TASOR2: variants seen among roughly 807,000 people sequenced by gnomAD.
TASOR2 encodes the protein transcription activation suppressor family member 2.
Under a neutral mutation model 199.5 loss-of-function variants are expected in TASOR2, and 84 were observed. The ratio of observed to expected loss-of-function variants is 0.42; its 90% CI spans 0.35 to 0.50. The LOEUF (loss-of-function observed/expected upper bound fraction) is 0.50. Among genes scored for constraint, TASOR2 ranks in the 20% least tolerant of loss-of-function variants. The probability of loss-of-function intolerance (pLI) is 0.02; values close to 1 mark genes in which losing one functional copy is unlikely to be tolerated. For synonymous variants in TASOR2, 1,103 were observed against 1,046.6 expected, an observed-to-expected ratio of 1.05 and a Z score of -1.04; for missense variants, 2,796 against 2,835.9, an observed-to-expected ratio of 0.99 and a Z score of 0.32.
At chr10:5,705,070 A>G (rs1441932912) in intron 1 of TASOR2, among the ~76,000 whole-genome samples, 1 of 152,194 alleles carries the variant, frequency 6.6e-6, no homozygotes, top group African/African-American at 2.4e-5. Context: ...TGGTAAATGT[A>G]TATACCATGT....
At position 5,749,089 on chromosome 10, in the gene TASOR2, G is replaced by A. The variant is rs200299323; in HGVS notation, c.5668G>A (p.Glu1890Lys). Reference sequence around the variant, plus strand: ...CTGCTCTAGCTGGGTTCCAGGCATGGAGACGAGCCTCCCTCCCGGGCACTG... The same window carrying A: ...CTGCTCTAGCTGGGTTCCAGGCATGAAGACGAGCCTCCCTCCCGGGCACTG... Residue 1890 changes from glutamate to lysine, a missense_variant, in exon 15 of 21, where the codon GAG becomes AAG. Physicochemically the swap from Glu to Lys is moderately conservative, Grantham distance 56 (BLOSUM62 1). This residue lies in a region of TASOR2 where 1,941 missense variants were observed against 1,924.9 expected (regional missense o/e 1.01). Transcript: ENST00000328090. 1,934 of 1,614,078 alleles carry A rather than the reference G, an allele frequency of 1.2e-3. 4 individuals are homozygous for A. In the Middle Eastern group the frequency reaches 0.015, roughly 12 times the overall value.
In TASOR2 at chr10:5,735,670, A is replaced by G. The variant is rs1402440555; in HGVS notation, c.1447+124A>G. On this transcript the variant is annotated intron_variant, in intron 12 of 20. Transcript: ENST00000328090. ...CCCAATAATTTTTTCTGTGTTTTTC[A>G]GTTCAGACATTAAAAAAACTAAGTA... 3 of 1,241,178 alleles carry G rather than the reference A, an allele frequency of 2.4e-6. No individual in the cohort carries two copies. The African/African-American group carries it at 4.6e-5, about 19-fold the overall frequency. 76.9% of individuals were successfully genotyped at this position (1,241,178 alleles called of 1,614,324 possible). A position where few individuals can be genotyped will look rare whatever the true frequency, so the allele number is the denominator to read the frequency against.
chr10:5,753,791 C>A (rs1564365078), intron 15 of TASOR2, among the ~76,000 whole-genome samples: 1 of 152,224 alleles, frequency 6.6e-6, no homozygotes. Flanking sequence ...TCTTCACTCT[C>A]TTCAGTCTTT....
intron 10 of TASOR2, among the ~76,000 whole-genome samples, chr10:5,729,422 C>T (rs187337870): frequency 1.8e-4 from 28 of 152,082 alleles, no homozygotes; most frequent in African/African-American, 6.8e-4. Context: ...AACGTTGTGC[C>T]CGGAGTGGTG....
chr10:5,730,676 C>T lies in TASOR2; in HGVS notation c.677C>T (p.Pro226Leu), dbSNP rs766466114. 2 of 1,614,174 alleles carry T rather than the reference C, an allele frequency of 1.2e-6. No homozygotes were observed. The highest frequency in any genetic ancestry group is 1.1e-5 in the South Asian group (1 of 91,078). The change falls in exon 11 of 21, where the codon CCT (proline) becomes CTT (leucine). Residue 226 changes from proline (P) to leucine (L), a missense_variant. By Grantham distance (98) the Pro-to-Leu change is moderately conservative (BLOSUM62 -3). This residue lies in a region of TASOR2 where 847 missense variants were observed against 887.4 expected (regional missense o/e 0.95). Transcript: ENST00000328090. The surrounding 1 kb of genome is among the most constrained non-coding windows in gnomAD (Gnocchi z 4.1). ...AGAAGCCCTTCATTGAGTGTTGCTC[C>T]TCAGGATAGAATGAAAGACCCTACA...
exon 1 of TASOR2, chr10:5,684,971 C>T: frequency 2.5e-6 from 1 of 397,446 alleles, no homozygotes; most frequent in Non-Finnish European, 4.4e-6. Context: ...CCTGTCAGCG[C>T]CCGCGGCGAG....
In TASOR2 at chr10:5,762,512, T is replaced by TTG. The variant is rs1554784524; in HGVS notation, c.7175-19_7175-18insGT. 5.6e-5 allele frequency: 23 copies of TTG among 411,470 alleles called. No individual in the cohort carries two copies. The highest frequency in any genetic ancestry group is 1.3e-4 in the South Asian group (2 of 14,848). The allele number at this position is 411,470 out of a possible 1,614,324, so 25.5% of individuals were successfully genotyped here. A position where few individuals can be genotyped will look rare whatever the true frequency, so the allele number is the denominator to read the frequency against. On this transcript the variant is annotated intron_variant, in intron 19 of 20. Transcript: ENST00000328090. ...CATTAATTATATTAACCAAAAGTTG[T>TTG]TTTTTTTTTTTTTTAACAGACAAGC...
At chr10:5,713,920 A>G (rs1335381516) in intron 2 of TASOR2, 3 of 334,784 alleles carry the variant, frequency 9.0e-6, no homozygotes, top group African/African-American at 6.4e-5. Flanking sequence ...GGATTAGGCC[A>G]GATGCAGTTG....
Position 5,750,733 on chromosome 10 carries a change from G to C in TASOR2, c.6606+706G>C, listed in dbSNP as rs542745896. 3.3e-4 allele frequency among the ~76,000 whole-genome samples: 51 copies of C among 152,264 alleles called. No individual in the cohort carries two copies. The highest frequency in any genetic ancestry group is 8.5e-4 in the Admixed American group (13 of 15,302). On this transcript the variant is annotated intron_variant, in intron 15 of 20. Transcript: ENST00000328090. The surrounding 1 kb of genome is among the most constrained non-coding windows in gnomAD (Gnocchi z 5.4). ...CATTTGCAAATGTGTTGCACACACA[G>C]TGTCCCATTACCTCTTGATACTTAA... is the stretch of plus-strand genomic sequence containing the variant.
chr10:5,695,770 A>G (rs1357744310), intron 1 of TASOR2, among the ~76,000 whole-genome samples: 1 of 152,214 alleles, frequency 6.6e-6, no homozygotes, highest in African/African-American at 2.4e-5. Context: ...GTAATAAATG[A>G]TTTCATGAAT....
chr10:5,702,651 TTTTTTTTTTTG>T (rs1250357691), intron 1 of TASOR2, among the ~76,000 whole-genome samples: 2 of 142,106 alleles, frequency 1.4e-5, no homozygotes, highest in East Asian at 2.4e-4. Context: ...TTTTTTTTTT[TTTTTTTTTTTG>T]GTAAGTAAGG....
At chr10:5,761,497 G>T (rs552231413) in intron 19 of TASOR2, 26 bp downstream of exon 20, 5 of 1,600,134 alleles carry the variant, frequency 3.1e-6, no homozygotes, top group Non-Finnish European at 4.3e-6. Flanking sequence ...ATTTTACTCA[G>T]TTAATGCCAA....
At chr10:5,691,901 G>A (rs1030670297) in intron 1 of TASOR2, among the ~76,000 whole-genome samples, 6 of 152,170 alleles carry the variant, frequency 3.9e-5, no homozygotes, top group Admixed American at 3.9e-4. Context: ...ATTCAGGCCT[G>A]GCATGTTGGC....
In TASOR2 at chr10:5,762,511, G is replaced by GTTTTTT; in HGVS notation, c.7175-11_7175-6dup. 5.1e-6 allele frequency: 3 copies of GTTTTTT among 587,378 alleles called. No homozygotes were observed. In the African/African-American group the frequency reaches 6.5e-5, roughly 13 times the overall value. The allele number at this position is 587,378 out of a possible 1,614,324, so 36.4% of individuals were successfully genotyped here. ...ACATTAATTATATTAACCAAAAGTT[G>GTTTTTT]TTTTTTTTTTTTTTTAACAGACAAG... On this transcript the variant is annotated intron_variant, in intron 19 of 20. Transcript: ENST00000328090.
In TASOR2 at chr10:5,729,829, T is replaced by C. The variant is rs148417288; in HGVS notation, c.488-658T>C. ...GGACCAGACCTTTTCTCTTTTTTTT[T>C]CCCTTTTACTGTTTCCTTTATTCAT... On this transcript the variant is annotated intron_variant, in intron 10 of 20. Transcript: ENST00000328090. 1.9e-3 allele frequency among the ~76,000 whole-genome samples: 284 copies of C among 152,242 alleles called. 3 individuals carry two copies. The East Asian group carries it at 0.026, about 14-fold the overall frequency.
chr10:5,696,603 C>G (rs1837186512), intron 1 of TASOR2, among the ~76,000 whole-genome samples: 1 of 152,142 alleles, frequency 6.6e-6, no homozygotes, highest in African/African-American at 2.4e-5. Flanking sequence ...ATCTTCCTGC[C>G]TTGGCTTCCC....
intron 15 of TASOR2, among the ~76,000 whole-genome samples, chr10:5,756,022 T>G (rs1838889008): frequency 6.6e-6 from 1 of 151,990 alleles, no homozygotes. Flanking sequence ...GTCAAAGTCA[T>G]AGGGAGTGTA....
chr10:5,726,473 T>C (rs1255717514), intron 8 of TASOR2, among the ~76,000 whole-genome samples: 1 of 152,246 alleles, frequency 6.6e-6, no homozygotes, highest in Non-Finnish European at 1.5e-5. Flanking sequence ...TTCAGCGTTT[T>C]GGGATAATTT....
chr10:5,685,836 A>C lies in TASOR2; in HGVS notation c.-288+661A>C, dbSNP rs2131473407. On this transcript the variant is annotated intron_variant, in intron 1 of 20. Transcript: ENST00000328090. This position sits in a 1 kb window ranked among gnomAD's most constrained non-coding sequence, Gnocchi z 5.4. Reference sequence around the variant, plus strand: ...TGTCTATTTGAAATCTGTAACTTTAAACAAACCACGCTTACTCTTCCTTAT... The same window carrying C: ...TGTCTATTTGAAATCTGTAACTTTACACAAACCACGCTTACTCTTCCTTAT... Among the ~76,000 whole-genome samples, 1 of 152,314 alleles carries C rather than the reference A, an allele frequency of 6.6e-6. No individual in the cohort carries two copies. Among genetic ancestry groups the C allele is most frequent in the East Asian group, 1.9e-4 (1 of 5,192 alleles).
Sources: allele counts gnomAD v4.1 joint callset (sites outside exome capture counted in the v4.1 genomes callset), GRCh38; gene constraint gnomAD v4.1.1; regional missense constraint gnomAD v4.1.1; non-coding constraint Gnocchi (gnomAD v3.1); transcripts MANE v1.5; gene names NCBI Gene and HGNC (gene_info 2026-07-23, HGNC 2026-07-21).